Variants in GLIS3 observed in about 807,000 individuals in gnomAD.
The protein encoded by GLIS3 is zinc finger protein GLIS3.
GLIS3 carries 53 observed loss-of-function variants against 78.6 expected under a neutral mutation model. The observed-to-expected ratio is 0.67, with a 90% CI of 0.54 to 0.85. The LOEUF (loss-of-function observed/expected upper bound fraction) is 0.85. Among genes scored for constraint, GLIS3 ranks in the 40% least tolerant of loss-of-function variants. The pLI is 0.00. For synonymous variants in GLIS3, 684 were observed against 509.9 expected (o/e 1.34, Z -4.60); for missense variants, 1,703 against 1,231.1 (o/e 1.38, Z -5.74).
chr9:4,092,912 G>A (rs1327137583), intron 4 of GLIS3, among the ~76,000 whole-genome samples: 1 of 152,302 alleles, frequency 6.6e-6, no homozygotes, highest in East Asian at 1.9e-4. Flanking sequence ...AACTGGCAGT[G>A]ACATAGGTTT....
intron 2 of GLIS3, among the ~76,000 whole-genome samples, chr9:4,222,009 G>T (rs955163716): frequency 6.6e-6 from 1 of 152,212 alleles, no homozygotes; most frequent in African/African-American, 2.4e-5. Context: ...GAAAGGGAAG[G>T]AGAAGCTACT....
At chr9:4,141,659 T>C (rs996571132) in intron 2 of GLIS3, among the ~76,000 whole-genome samples, 6 of 152,250 alleles carry the variant, frequency 3.9e-5, no homozygotes, top group Non-Finnish European at 5.9e-5. Flanking sequence ...TAAACAACCA[T>C]TTCTTGTATA....
At chr9:3,848,623 C>T (rs1280092655) in intron 9 of GLIS3, among the ~76,000 whole-genome samples, 1 of 152,248 alleles carries the variant, frequency 6.6e-6, no homozygotes, top group Non-Finnish European at 1.5e-5. Context: ...AGTACCATTG[C>T]ACAATCACTG....
intron 2 of GLIS3, among the ~76,000 whole-genome samples, chr9:4,208,691 T>C (rs1810773239): frequency 6.6e-6 from 1 of 152,216 alleles, no homozygotes; most frequent in South Asian, 2.1e-4. Flanking sequence ...TGAAAAACCC[T>C]GGATGGTTGC....
chr9:4,391,194 C>G, the GLIS3 span, among the ~76,000 whole-genome samples: 1 of 152,162 alleles, frequency 6.6e-6, no homozygotes, highest in African/African-American at 2.4e-5. Flanking sequence ...TCTGATCCCC[C>G]TTTCATAGAT....
intron 4 of GLIS3, among the ~76,000 whole-genome samples, chr9:4,061,980 G>A (rs1009328051): frequency 2.0e-5 from 3 of 152,180 alleles, no homozygotes; most frequent in East Asian, 3.8e-4. Context: ...GGGGAAGGTG[G>A]CAGGACTCCT....
At chr9:4,051,325 G>A (rs1488630295) in intron 4 of GLIS3, among the ~76,000 whole-genome samples, 9 of 152,182 alleles carry the variant, frequency 5.9e-5, no homozygotes, top group African/African-American at 2.2e-4. Context: ...CGGGGATAGG[G>A]GGTTGCCACT....
chr9:4,233,025 C>T (rs747273490), intron 2 of GLIS3, among the ~76,000 whole-genome samples: 7 of 152,190 alleles, frequency 4.6e-5, no homozygotes, highest in Middle Eastern at 3.2e-3. Context: ...ACTACCACCA[C>T]ACGACAGCAA....
rs1335698061 is a variant in GLIS3 at position 3,874,265 on chromosome 9, A to G, written c.2297+5162T>C. Among the ~76,000 whole-genome samples the G allele has an allele frequency of 2.0e-5, 3 of 152,222 alleles. No homozygotes were observed. In the East Asian group the frequency reaches 5.8e-4, roughly 29 times the overall value. On this transcript the variant is annotated intron_variant, in intron 8 of 10. Transcript: ENST00000381971. ...GTAATCAATCACGCCTATGTAATGA[A>G]GTCTCCATAAAAATCCAAAAGGACT...
intron 2 of GLIS3, among the ~76,000 whole-genome samples, chr9:4,254,405 T>C (rs1824711006): frequency 6.6e-6 from 1 of 152,228 alleles, no homozygotes; most frequent in African/African-American, 2.4e-5. Context: ...ACATATACTA[T>C]ACTACTGGTG....
intron 1 of GLIS3, among the ~76,000 whole-genome samples, chr9:4,295,552 A>T (rs943317492): frequency 2.0e-5 from 3 of 152,036 alleles, no homozygotes; most frequent in African/African-American, 7.3e-5. Context: ...TTTACACAAG[A>T]TTTTTTTTAA....
chr9:4,396,990 C>T, the GLIS3 span, among the ~76,000 whole-genome samples: 4 of 151,404 alleles, frequency 2.6e-5, no homozygotes, highest in African/African-American at 9.7e-5. Context: ...TATTGTCTTG[C>T]CCTGTGGTTT....
the GLIS3 span, among the ~76,000 whole-genome samples, chr9:4,412,014 G>GGATT: frequency 6.6e-6 from 1 of 152,324 alleles, no homozygotes; most frequent in East Asian, 1.9e-4. Flanking sequence ...ATCTTAACAT[G>GGATT]GATATCAAAT....
intron 8 of GLIS3, among the ~76,000 whole-genome samples, chr9:3,865,120 A>G (rs1820485421): frequency 6.6e-6 from 1 of 152,208 alleles, no homozygotes; most frequent in South Asian, 2.1e-4. Flanking sequence ...AAGGATGAGT[A>G]AAACAGAAAT....
intron 4 of GLIS3, among the ~76,000 whole-genome samples, chr9:3,949,484 T>G (rs1246366475): frequency 6.6e-6 from 1 of 152,178 alleles, no homozygotes; most frequent in Non-Finnish European, 1.5e-5. Flanking sequence ...CCTACAAGAT[T>G]GCACATTCAG....
Position 3,941,823 on chromosome 9 carries a change from T to G in GLIS3, c.1711-4634A>C, listed in dbSNP as rs1815946150. Reference sequence around the variant, plus strand: ...TTTAAGTTATTGCAAACCTAAAGAATCTTAGCTTGTTCCACTTTGCTAATT... The same window carrying G: ...TTTAAGTTATTGCAAACCTAAAGAAGCTTAGCTTGTTCCACTTTGCTAATT... On this transcript the variant is annotated intron_variant, in intron 4 of 10. Coordinates refer to ENST00000381971, the MANE Select transcript of GLIS3 (RefSeq NM_001042413.2). Among the ~76,000 whole-genome samples, 2 of 152,344 alleles carry G rather than the reference T, an allele frequency of 1.3e-5. 1 individual carries two copies. The highest frequency in any genetic ancestry group is 2.9e-5 in the Non-Finnish European group (2 of 68,032).
At chr9:3,980,487 C>T (rs751992697) in intron 4 of GLIS3, among the ~76,000 whole-genome samples, 2 of 152,180 alleles carry the variant, frequency 1.3e-5, no homozygotes, top group Non-Finnish European at 2.9e-5. Flanking sequence ...TTTGATGGAG[C>T]TGCCACAGCA....
intron 2 of GLIS3, among the ~76,000 whole-genome samples, chr9:4,216,374 G>A (rs1390634563): frequency 6.6e-6 from 1 of 151,930 alleles, no homozygotes; most frequent in Non-Finnish European, 1.5e-5. Flanking sequence ...TCAAGAGGTT[G>A]AGGCAGGAGA....
intron 2 of GLIS3, among the ~76,000 whole-genome samples, chr9:4,207,746 AT>A (rs1176982794): frequency 6.6e-6 from 1 of 152,172 alleles, no homozygotes; most frequent in Non-Finnish European, 1.5e-5. Flanking sequence ...TGAGTAGCAG[AT>A]GGGGAACCCA....
Sources: allele counts gnomAD v4.1 joint callset (sites outside exome capture counted in the v4.1 genomes callset), GRCh38; gene constraint gnomAD v4.1.1; transcripts MANE v1.5; gene names NCBI Gene and HGNC (gene_info 2026-07-23, HGNC 2026-07-21).